PUM2: variants seen among roughly 807,000 people sequenced by gnomAD.
PUM2 encodes pumilio RNA binding family member 2, also known as pumilio homolog 2.
Under a neutral mutation model 124.5 loss-of-function variants are expected in PUM2, and 57 were observed. The ratio of observed to expected loss-of-function variants is 0.46; its 90% CI spans 0.37 to 0.57. The LOEUF (loss-of-function observed/expected upper bound fraction) is 0.57, where lower values mean the gene tolerates loss of function less well. Among genes scored for constraint, PUM2 ranks in the 20% least tolerant of loss-of-function variants. PUM2 has a pLI of 0.00. For missense variants in PUM2, 1,065 were observed against 1,290.6 expected, an observed-to-expected ratio of 0.83 and a Z score of 2.68; for synonymous variants, 460 against 446.1, an observed-to-expected ratio of 1.03 and a Z score of -0.39.
intron 10 of PUM2, among the ~76,000 whole-genome samples, chr2:20,284,759 T>G (rs1029716151): frequency 4.6e-5 from 7 of 152,210 alleles, no homozygotes; most frequent in Admixed American, 1.3e-4. Context: ...GCATGAACAT[T>G]TTATTGCCTT....
chr2:20,332,621 C>T (rs1186987936), intron 1 of PUM2, among the ~76,000 whole-genome samples: 1 of 152,118 alleles, frequency 6.6e-6, no homozygotes, highest in African/African-American at 2.4e-5. Context: ...CCATATGCTA[C>T]TAAGTGGGAC....
intron 2 of PUM2, chr2:20,326,449 A>AGAG: frequency 7.8e-7 from 1 of 1,288,316 alleles, no homozygotes; most frequent in Non-Finnish European, 1.0e-6. Context: ...AAGGTAAAAT[A>AGAG]ATCTCCAGGA....
intron 7 of PUM2, among the ~76,000 whole-genome samples, chr2:20,307,411 T>C (rs1199882770): frequency 6.2e-4 from 95 of 152,184 alleles, no homozygotes; most frequent in African/African-American, 2.1e-3. Flanking sequence ...TAAAATAAAA[T>C]AAAACTATAC....
chr2:20,347,198 G>C (rs1440042644), intron 1 of PUM2, among the ~76,000 whole-genome samples: 1 of 152,162 alleles, frequency 6.6e-6, no homozygotes, highest in Admixed American at 6.5e-5. Context: ...ACTTACTAAT[G>C]AAACTATGCT....
rs375091974 is a variant in PUM2, at chr2:20,263,203, G to A, written c.2215C>T (p.His739Tyr). Residue 739 changes from histidine (H) to tyrosine (Y), a missense_variant, in exon 14 of 21, where the codon CAT (histidine) becomes TAT (tyrosine). His to Tyr is a moderately conservative substitution (Grantham distance 83, BLOSUM62 2). Transcript: ENST00000361078. ...GHIVEFSQDQ[H>Y]GSRFIQQKLE... is the part of the protein sequence containing the mutation. ...ATCATAATCACCTACCTAGAACCAT[G>A]CTGGTCTTGAGAAAACTCAACTATA... 8.1e-6 allele frequency: 13 copies of A among 1,597,224 alleles called. No individual in the cohort carries two copies. Among genetic ancestry groups the A allele is most frequent in the African/African-American group, 1.3e-5 (1 of 74,492 alleles).
chr2:20,274,484 C>G (rs551464944), intron 13 of PUM2, among the ~76,000 whole-genome samples: 1 of 152,026 alleles, frequency 6.6e-6, no homozygotes, highest in Non-Finnish European at 1.5e-5. Flanking sequence ...TTTATAATAT[C>G]TTGCCTATTA....
intron 1 of PUM2, chr2:20,332,881 T>A (rs1685210527): frequency 6.6e-6 from 1 of 152,220 alleles, no homozygotes; most frequent in South Asian, 2.1e-4. Flanking sequence ...GCTTGGGGTA[T>A]AAATTCTATC....
intron 7 of PUM2, among the ~76,000 whole-genome samples, chr2:20,306,288 TACA>T (rs1455782006): frequency 6.6e-6 from 1 of 152,184 alleles, no homozygotes; most frequent in African/African-American, 2.4e-5. Context: ...CTAAGTAAAT[TACA>T]ACATTTAATC....
At chr2:20,313,542 C>A (rs377459288) in intron 3 of PUM2, among the ~76,000 whole-genome samples, 14 of 152,166 alleles carry the variant, frequency 9.2e-5, no homozygotes, top group African/African-American at 3.1e-4. Flanking sequence ...AGGGATAAAA[C>A]CTAGAAGAGG....
intron 7 of PUM2, among the ~76,000 whole-genome samples, chr2:20,300,254 A>G (rs1676648898): frequency 6.6e-6 from 1 of 151,886 alleles, no homozygotes; most frequent in African/African-American, 2.4e-5. Flanking sequence ...GGTTCCAGTG[A>G]TTCTCCTGCC....
chr2:20,344,885 A>C (rs889130065), intron 1 of PUM2, among the ~76,000 whole-genome samples: 2 of 143,688 alleles, frequency 1.4e-5, no homozygotes, highest in Non-Finnish European at 3.0e-5. Context: ...CAGGAGGCTG[A>C]GGCAGGAGAA....
chr2:20,312,095 CAGA>C (rs1679736602), intron 4 of PUM2, 138 bp downstream of exon 4: 4 of 727,502 alleles, frequency 5.5e-6, no homozygotes, highest in Middle Eastern at 3.9e-4. Context: ...AGTGGCTAAG[CAGA>C]AGAATAGCAA....
intron 2 of PUM2, chr2:20,326,185 G>T: frequency 1.7e-6 from 2 of 1,154,544 alleles, no homozygotes; most frequent in Non-Finnish European, 2.2e-6. Context: ...TTTTTCTTAG[G>T]GTTGAGAATT....
intron 1 of PUM2, among the ~76,000 whole-genome samples, chr2:20,348,294 G>C (rs988564580): frequency 1.3e-5 from 2 of 152,132 alleles, no homozygotes; most frequent in Non-Finnish European, 1.5e-5. Context: ...CTCAAGCTGT[G>C]ATTGCAGCCA....
intron 1 of PUM2, among the ~76,000 whole-genome samples, chr2:20,340,458 T>A (rs1259115854): frequency 6.6e-6 from 1 of 152,210 alleles, no homozygotes; most frequent in Non-Finnish European, 1.5e-5. Context: ...CTAACAGATG[T>A]AGTCTGGAAA....
intron 3 of PUM2, among the ~76,000 whole-genome samples, chr2:20,315,165 TGCTGC>T (rs1376328270): frequency 6.6e-6 from 1 of 150,782 alleles, no homozygotes; most frequent in African/African-American, 2.4e-5. Context: ...CCTCCTAAAG[TGCTGC>T]AATTACAGAT....
chr2:20,293,924 A>G (rs563293788), intron 9 of PUM2, among the ~76,000 whole-genome samples: 57 of 152,238 alleles, frequency 3.7e-4, no homozygotes, highest in African/African-American at 1.2e-3. Flanking sequence ...TTCTTTTTCC[A>G]GAAATTAAAG....
intron 7 of PUM2, among the ~76,000 whole-genome samples, 167 bp downstream of exon 7, chr2:20,307,811 C>G (rs943511907): frequency 6.6e-6 from 1 of 152,172 alleles, no homozygotes; most frequent in Non-Finnish European, 1.5e-5. Context: ...AAATAATAAT[C>G]AGAAACAATT....
intron 10 of PUM2, among the ~76,000 whole-genome samples, chr2:20,288,162 C>T (rs1412250829): frequency 6.6e-6 from 1 of 152,142 alleles, no homozygotes; most frequent in Non-Finnish European, 1.5e-5. Flanking sequence ...GGTGGAAATA[C>T]AGCAAATCTG....
Sources: allele counts gnomAD v4.1 joint callset (sites outside exome capture counted in the v4.1 genomes callset), GRCh38; gene constraint gnomAD v4.1.1; transcripts MANE v1.5; gene names NCBI Gene and HGNC (gene_info 2026-07-23, HGNC 2026-07-21).